The following CFAP44 variants were observed in gnomAD, a reference collection of about 807,000 sequenced individuals.
The protein encoded by CFAP44 is cilia and flagella associated protein 44, also known as cilia- and flagella-associated protein 44.
CFAP44 carries 134 observed loss-of-function variants against 216.2 expected under a neutral mutation model. That is an observed-to-expected ratio of 0.62 (90% CI 0.54 to 0.72). CFAP44 has a LOEUF of 0.72. Ranked by LOEUF, CFAP44 falls within the 30% of genes least tolerant of loss-of-function variation. CFAP44 has a pLI of 0.00. For synonymous variants in CFAP44, 700 were observed against 727.6 expected (o/e 0.96, Z 0.61); for missense variants, 2,035 against 2,182.1 (o/e 0.93, Z 1.34).
intron 15 of CFAP44, among the ~76,000 whole-genome samples, chr3:113,382,226 G>A (rs1163567829): frequency 6.6e-6 from 1 of 152,180 alleles, no homozygotes; most frequent in African/African-American, 2.4e-5. Context: ...CAAGATGTGG[G>A]AGAGGGAACC....
At chr3:113,299,456 C>T (rs1294198851) in intron 32 of CFAP44, among the ~76,000 whole-genome samples, 1 of 152,136 alleles carries the variant, frequency 6.6e-6, no homozygotes, top group African/African-American at 2.4e-5. Flanking sequence ...CCCTCATACA[C>T]GGTTGGTGGG....
rs1934146677 is a variant in CFAP44, at chr3:113,401,743, G to T, written c.1171-4C>A. 5 of 1,586,918 alleles carry T rather than the reference G, an allele frequency of 3.2e-6. No homozygotes were observed. The highest frequency in any genetic ancestry group is 4.3e-6 in the Non-Finnish European group (5 of 1,168,942). On this transcript the variant is annotated splice_region_variant and splice_polypyrimidine_tract_variant and intron_variant, in intron 9 of 34. Transcript: ENST00000393845. ...CTATTGTCTCAAAATCCCATATCTTGTAAAATGAAAAGAAAATACTTTAAT... is the reference window on the plus strand; with the variant it reads ...CTATTGTCTCAAAATCCCATATCTTTTAAAATGAAAAGAAAATACTTTAAT...
At chr3:113,318,665 G>A (rs536969460) in intron 28 of CFAP44, among the ~76,000 whole-genome samples, 4 of 152,034 alleles carry the variant, frequency 2.6e-5, no homozygotes, top group Admixed American at 1.3e-4. Flanking sequence ...AAATCTTAAA[G>A]GCAGCTAAAG....
chr3:113,430,649 A>G (rs1391156400), intron 2 of CFAP44, among the ~76,000 whole-genome samples: 1 of 152,158 alleles, frequency 6.6e-6, no homozygotes, highest in Non-Finnish European at 1.5e-5. Flanking sequence ...CGAACTTGCA[A>G]AACTTAGTAA....
In CFAP44 at chr3:113,291,618, C is replaced by A; in HGVS notation, c.5504G>T (p.Ser1835Ile). ...AGACTGAATGGGTGGGAGGATAAGA[C>A]TGCCTTTCCTACGCAAAAGAGCAAT... ...EEIALLRRKGSLILPPIQSPR... is the reference protein window; with the variant it reads ...EEIALLRRKGILILPPIQSPR... Residue 1835 changes from serine (S) to isoleucine (I), a missense_variant, in exon 35 of 35, where the codon AGT becomes ATT. Physicochemically the swap from Ser to Ile is moderately radical, Grantham distance 142. Coordinates refer to ENST00000393845, the MANE Select transcript of CFAP44 (RefSeq NM_001164496.2). The A allele has an allele frequency of 2.0e-6, 3 of 1,537,208 alleles. No homozygotes were observed. Among genetic ancestry groups the A allele is most frequent in the Non-Finnish European group, 2.6e-6 (3 of 1,146,910 alleles).
chr3:113,308,894 C>T (rs1375387071), intron 28 of CFAP44, among the ~76,000 whole-genome samples: 3 of 152,322 alleles, frequency 2.0e-5, no homozygotes, highest in Middle Eastern at 3.4e-3. Context: ...GCTTGAGCCA[C>T]TGTGCCTGGC....
At chr3:113,403,336 T>G (rs1423164359) in intron 9 of CFAP44, among the ~76,000 whole-genome samples, 8 of 152,202 alleles carry the variant, frequency 5.3e-5, no homozygotes, top group African/African-American at 1.9e-4. Context: ...ATGTTCCAGC[T>G]TAGCCCAGGC....
At chr3:113,344,021 T>A (rs1161321618) in intron 23 of CFAP44, among the ~76,000 whole-genome samples, 1 of 152,224 alleles carries the variant, frequency 6.6e-6, no homozygotes, top group African/African-American at 2.4e-5. Context: ...GGATTAGAGG[T>A]ACTATTTTCA....
intron 17 of CFAP44, among the ~76,000 whole-genome samples, chr3:113,375,466 T>C (rs767908627): frequency 5.3e-5 from 8 of 152,136 alleles, no homozygotes; most frequent in Non-Finnish European, 1.2e-4. Flanking sequence ...ATGGAAAATC[T>C]TCTTGAATGA....
At chr3:113,416,176 T>C (rs570006654) in intron 6 of CFAP44, among the ~76,000 whole-genome samples, 1 of 131,104 alleles carries the variant, frequency 7.6e-6, no homozygotes, top group South Asian at 2.5e-4. Flanking sequence ...TTGCAACCCT[T>C]GGTGTTTTTT....
At chr3:113,343,024 G>A (rs565925537) in intron 23 of CFAP44, among the ~76,000 whole-genome samples, 2 of 146,226 alleles carry the variant, frequency 1.4e-5, no homozygotes, top group Admixed American at 6.8e-5. Context: ...AAAAATGGCT[G>A]TATCAACTAA....
intron 22 of CFAP44, among the ~76,000 whole-genome samples, chr3:113,356,096 G>A (rs1950490429): frequency 1.3e-5 from 2 of 149,598 alleles, no homozygotes; most frequent in Admixed American, 1.3e-4. Context: ...GTACATTAAA[G>A]TGAGGAAAAT....
intron 8 of CFAP44, 111 bp from the exon 9 acceptor site, chr3:113,404,127 A>G: frequency 1.6e-6 from 2 of 1,240,500 alleles, no homozygotes; most frequent in South Asian, 2.2e-5. Context: ...ATTGATTATA[A>G]AATTTTTAAA....
chr3:113,399,831 A>T, intron 13 of CFAP44, 75 bp downstream of exon 13: 1 of 1,001,326 alleles, frequency 1.0e-6, no homozygotes, highest in Non-Finnish European at 1.4e-6. Context: ...GCAAATATCT[A>T]TATTTCCAGA....
Position 113,324,693 on chromosome 3 carries a change from C to A in CFAP44, c.4516+1752G>T, listed in dbSNP as rs1432204129. 2.0e-5 allele frequency among the ~76,000 whole-genome samples: 3 copies of A among 152,138 alleles called. No individual in the cohort carries two copies. In the East Asian group the frequency reaches 5.8e-4, roughly 29 times the overall value. ...AAAGCAAGAATGTCAGCTTTCAGCACTCACATAGTACTGGATGTTCTAGCC... is the reference window on the plus strand; with the variant it reads ...AAAGCAAGAATGTCAGCTTTCAGCAATCACATAGTACTGGATGTTCTAGCC... On this transcript the variant is annotated intron_variant, in intron 28 of 34. Coordinates refer to ENST00000393845, the MANE Select transcript of CFAP44 (RefSeq NM_001164496.2).
At chr3:113,310,427 T>C (rs1362681491) in intron 28 of CFAP44, among the ~76,000 whole-genome samples, 1 of 152,140 alleles carries the variant, frequency 6.6e-6, no homozygotes, top group African/African-American at 2.4e-5. Flanking sequence ...GACAATGAAG[T>C]CTGAATGGGG....
intron 26 of CFAP44, among the ~76,000 whole-genome samples, chr3:113,328,727 A>G (rs1208438924): frequency 3.8e-4 from 54 of 142,296 alleles, no homozygotes; most frequent in African/African-American, 1.1e-3. Context: ...AAAAAAAAAA[A>G]ACAGAGAGAG....
intron 1 of CFAP44, 41 bp downstream of exon 1, chr3:113,441,412 G>A (rs1935360631): frequency 1.0e-6 from 1 of 985,894 alleles, no homozygotes; most frequent in African/African-American, 1.7e-5. Context: ...GATTTAAGGG[G>A]GAGGGTGTGG....
At chr3:113,375,537 A>G (rs901865359) in intron 17 of CFAP44, among the ~76,000 whole-genome samples, 1 of 152,222 alleles carries the variant, frequency 6.6e-6, no homozygotes, top group Non-Finnish European at 1.5e-5. Flanking sequence ...GTCCCAGAAC[A>G]AGAGAGTGAA....
Sources: gnomAD v4.1 joint callset for allele counts (sites outside exome capture counted in the v4.1 genomes callset) on GRCh38, gnomAD v4.1.1 for gene constraint, MANE v1.5 for transcripts, NCBI Gene and HGNC (gene_info 2026-07-23, HGNC 2026-07-21) for gene names.